JARID2: variants seen among roughly 807,000 people sequenced by gnomAD.
JARID2 encodes protein Jumonji.
A neutral mutation model predicts 125.6 loss-of-function variants in JARID2; 21 were observed. That is an observed-to-expected ratio of 0.17 (90% CI 0.12 to 0.24). JARID2 has a LOEUF of 0.24. Among genes scored for constraint, JARID2 ranks in the 10% least tolerant of loss-of-function variants. The pLI is 1.00. For synonymous variants in JARID2, 736 were observed against 661.6 expected (o/e 1.11, Z -1.73); for missense variants, 1,303 against 1,639.6 (o/e 0.79, Z 3.55).
At chr6:15,389,508 A>G (rs1357893599) in intron 2 of JARID2, among the ~76,000 whole-genome samples, 4 of 152,360 alleles carry the variant, frequency 2.6e-5, no homozygotes, top group African/African-American at 9.6e-5. Flanking sequence ...GAATGCATCT[A>G]GAGTGATCTG....
chr6:15,317,829 A>C lies in JARID2; in HGVS notation c.46-56288A>C, dbSNP rs149889838. The stretch of plus-strand genomic sequence containing the variant: ...CACACAGCTGGCGCGTGGAGAGCCG[A>C]TCCCTCCAGGGTTTGTTTCTTTAAT... On this transcript the variant is annotated intron_variant, in intron 1 of 17. Transcript: ENST00000341776. Among the ~76,000 whole-genome samples, 109 of 152,192 alleles carry C rather than the reference A, an allele frequency of 7.2e-4. 1 individual carries two copies. The East Asian group carries it at 0.018, about 25-fold the overall frequency.
At chr6:15,313,226 A>G (rs930934143) in intron 1 of JARID2, among the ~76,000 whole-genome samples, 3 of 152,182 alleles carry the variant, frequency 2.0e-5, no homozygotes, top group African/African-American at 7.2e-5. Flanking sequence ...CACCCCAAGG[A>G]AACAGGAAAA....
intron 1 of JARID2, among the ~76,000 whole-genome samples, chr6:15,288,957 G>A (rs190742217): frequency 1.3e-3 from 194 of 152,304 alleles, no homozygotes; most frequent in African/African-American, 4.4e-3. Flanking sequence ...AGTGAGCAGT[G>A]GATAGTGGAG....
chr6:15,374,279 T>TG, intron 2 of JARID2, 27 bp downstream of exon 2: 2 of 1,610,472 alleles, frequency 1.2e-6, no homozygotes. Context: ...AATATCTCAT[T>TG]GGAATGTACA....
intron 1 of JARID2, among the ~76,000 whole-genome samples, chr6:15,336,683 A>G (rs62395377): frequency 0.088 from 13,110 of 148,830 alleles, 678 homozygotes; most frequent in South Asian, 0.15. Flanking sequence ...ATTTGGCAGT[A>G]TACAGTTCTG....
At chr6:15,304,318 C>CG (rs1554121639) in intron 1 of JARID2, among the ~76,000 whole-genome samples, 2 of 90,826 alleles carry the variant, frequency 2.2e-5, no homozygotes, top group African/African-American at 7.8e-5. Flanking sequence ...CCCCCCCCCC[C>CG]GCCCACCCAC....
intron 7 of JARID2, among the ~76,000 whole-genome samples, chr6:15,499,886 G>C (rs917306264): frequency 6.6e-6 from 1 of 152,114 alleles, no homozygotes; most frequent in Non-Finnish European, 1.5e-5. Context: ...TGTGTCTGCC[G>C]AGGTGGTTCA....
chr6:15,362,468 G>A (rs1444982943), intron 1 of JARID2, among the ~76,000 whole-genome samples: 1 of 152,226 alleles, frequency 6.6e-6, no homozygotes, highest in Non-Finnish European at 1.5e-5. Context: ...GTCATGATCA[G>A]TATGCAGTTA....
intron 1 of JARID2, among the ~76,000 whole-genome samples, chr6:15,280,629 CTTT>C (rs11427786): frequency 2.8e-4 from 38 of 136,696 alleles, no homozygotes; most frequent in Admixed American, 2.9e-4. Context: ...CCACACCCTG[CTTT>C]TTTTTTTTTT....
At chr6:15,456,915 T>C (rs1768206989) in intron 4 of JARID2, among the ~76,000 whole-genome samples, 1 of 125,914 alleles carries the variant, frequency 7.9e-6, no homozygotes, top group Non-Finnish European at 1.6e-5. Flanking sequence ...ATAAAAGTAG[T>C]TCCTGTTCAT....
At chr6:15,272,761 G>A (rs1462678469) in intron 1 of JARID2, among the ~76,000 whole-genome samples, 1 of 152,142 alleles carries the variant, frequency 6.6e-6, no homozygotes, top group Non-Finnish European at 1.5e-5. Context: ...CAATCTCTGT[G>A]CCTCAGTTTT....
intron 1 of JARID2, among the ~76,000 whole-genome samples, chr6:15,295,817 C>G (rs1761392143): frequency 6.6e-6 from 1 of 152,160 alleles, no homozygotes; most frequent in Admixed American, 6.5e-5. Flanking sequence ...GTGTGCGCCA[C>G]CATGCACAGC....
intron 1 of JARID2, among the ~76,000 whole-genome samples, chr6:15,290,386 G>A (rs1761160527): frequency 6.6e-6 from 1 of 152,114 alleles, no homozygotes; most frequent in African/African-American, 2.4e-5. Flanking sequence ...TTCCTTTCTT[G>A]TGGGTAAATA....
chr6:15,482,317 G>T (rs932867884), intron 5 of JARID2, among the ~76,000 whole-genome samples: 1 of 152,146 alleles, frequency 6.6e-6, no homozygotes, highest in Non-Finnish European at 1.5e-5. Flanking sequence ...ACTTTTAGAA[G>T]TTATTGAGGG....
intron 1 of JARID2, among the ~76,000 whole-genome samples, chr6:15,339,981 T>C (rs1342205706): frequency 2.0e-5 from 3 of 151,944 alleles, no homozygotes; most frequent in African/African-American, 7.3e-5. Context: ...TTTTTTTGAA[T>C]TGGAGTCTTG....
chr6:15,421,722 A>G (rs867343132), intron 3 of JARID2, among the ~76,000 whole-genome samples: 5 of 152,194 alleles, frequency 3.3e-5, no homozygotes, highest in African/African-American at 9.7e-5. Context: ...TTTCACATCT[A>G]TAATGCCTGG....
chr6:15,311,332 C>T (rs1264690530), intron 1 of JARID2, among the ~76,000 whole-genome samples: 3 of 152,178 alleles, frequency 2.0e-5, no homozygotes, highest in East Asian at 1.9e-4. Context: ...AATCCCAAAA[C>T]TTTGGGAGGC....
intron 3 of JARID2, among the ~76,000 whole-genome samples, chr6:15,424,718 G>A (rs1766648015): frequency 6.6e-6 from 1 of 152,292 alleles, no homozygotes; most frequent in Middle Eastern, 3.4e-3. Flanking sequence ...AATTAGCTTG[G>A]TGTGGTGGCG....
At position 15,248,923 on chromosome 6, in the gene JARID2, C is replaced by A. The variant is rs561962851; in HGVS notation, c.45+2339C>A. 1.6e-5 allele frequency: 16 copies of A among 985,626 alleles called. No individual in the cohort carries two copies. The South Asian group carries it at 6.6e-4, about 40-fold the overall frequency. 61.1% of individuals were successfully genotyped at this position (985,626 alleles called of 1,614,324 possible). A position where few individuals can be genotyped will look rare whatever the true frequency, so the allele number is the denominator to read the frequency against. ...AGGAGGAAGAGGAGGAAGATGCGCTCGGCCTCTGCCTTCCGCTCCGGAGCG... is the reference window on the plus strand; with the variant it reads ...AGGAGGAAGAGGAGGAAGATGCGCTAGGCCTCTGCCTTCCGCTCCGGAGCG... On this transcript the variant is annotated intron_variant, in intron 1 of 17. Coordinates refer to ENST00000341776, the MANE Select transcript of JARID2 (RefSeq NM_004973.4).
Sources: allele counts gnomAD v4.1 joint callset (sites outside exome capture counted in the v4.1 genomes callset), GRCh38; gene constraint gnomAD v4.1.1; transcripts MANE v1.5; gene names NCBI Gene and HGNC (gene_info 2026-07-23, HGNC 2026-07-21).